GRIN2A: variants seen among roughly 807,000 people sequenced by gnomAD.
The protein encoded by GRIN2A is glutamate ionotropic receptor NMDA type subunit 2A.
In GRIN2A, 22 loss-of-function variants were observed where a neutral mutation model predicts 113.4. The ratio of observed to expected loss-of-function variants is 0.19; its 90% CI spans 0.14 to 0.28. GRIN2A has a LOEUF of 0.28. Among genes scored for constraint, GRIN2A ranks in the 10% least tolerant of loss-of-function variants. The pLI, the probability that GRIN2A is intolerant of heterozygous loss-of-function variation, is 1.00. For missense variants in GRIN2A, 1,502 were observed against 1,887.0 expected (o/e 0.80, Z 3.78); for synonymous variants, 827 against 738.4 (o/e 1.12, Z -1.94).
chr16:9,967,399 G>A (rs1343236814), intron 2 of GRIN2A, among the ~76,000 whole-genome samples: 1 of 152,084 alleles, frequency 6.6e-6, no homozygotes, highest in Non-Finnish European at 1.5e-5. Context: ...CTATGACGAT[G>A]CAAAGGTATA....
chr16:10,160,744 G>T (rs8055278), intron 2 of GRIN2A, among the ~76,000 whole-genome samples: 7,777 of 152,214 alleles, frequency 0.051, 570 homozygotes, highest in African/African-American at 0.16. Flanking sequence ...AATATATTGT[G>T]GACAAATGCT....
At chr16:9,784,066 C>G (rs991034341) in intron 11 of GRIN2A, among the ~76,000 whole-genome samples, 1 of 152,068 alleles carries the variant, frequency 6.6e-6, no homozygotes, top group African/African-American at 2.4e-5. Flanking sequence ...CAACAAACCC[C>G]CATGACACAA....
intron 2 of GRIN2A, among the ~76,000 whole-genome samples, chr16:10,128,120 C>A (rs1339673479): frequency 6.6e-6 from 1 of 152,180 alleles, no homozygotes; most frequent in Non-Finnish European, 1.5e-5. Context: ...TCCATTGTTG[C>A]TGAGAAGGTG....
At chr16:9,868,051 A>G (rs572086288) in intron 4 of GRIN2A, among the ~76,000 whole-genome samples, 1 of 152,166 alleles carries the variant, frequency 6.6e-6, no homozygotes, top group African/African-American at 2.4e-5. Context: ...CCATTAATTC[A>G]TCTCTCTTCT....
chr16:10,047,742 C>A (rs150354382), intron 2 of GRIN2A, among the ~76,000 whole-genome samples: 1 of 152,290 alleles, frequency 6.6e-6, no homozygotes, highest in Non-Finnish European at 1.5e-5. Flanking sequence ...TTAATATATC[C>A]TTTTCTGCCC....
intron 2 of GRIN2A, among the ~76,000 whole-genome samples, chr16:10,039,711 G>A (rs560226855): frequency 4.0e-4 from 60 of 150,100 alleles, no homozygotes; most frequent in African/African-American, 1.4e-3. Flanking sequence ...ACCAGGTGCT[G>A]GGCAGAAGCC....
chr16:9,778,924 T>C (rs1164386294), intron 11 of GRIN2A, among the ~76,000 whole-genome samples: 3 of 152,156 alleles, frequency 2.0e-5, no homozygotes, highest in Non-Finnish European at 4.4e-5. Flanking sequence ...GCAAATTCAA[T>C]ACACCACCAT....
At chr16:9,894,173 G>A (rs1452220188) in intron 3 of GRIN2A, among the ~76,000 whole-genome samples, 1 of 152,156 alleles carries the variant, frequency 6.6e-6, no homozygotes, top group East Asian at 1.9e-4. Context: ...AGTAACACAC[G>A]CTAGAGGAAG....
In GRIN2A at chr16:9,785,470, A is replaced by G. The variant is rs929131751; in HGVS notation, c.2356+12807T>C. On this transcript the variant is annotated intron_variant, in intron 11 of 12. Coordinates refer to ENST00000330684, the MANE Select transcript of GRIN2A (RefSeq NM_001134407.3). ...GGGGGGAGGGGGGAGGGATAGCATT[A>G]GGAGATATACCTAATGTTAAATGAC... 6.0e-5 allele frequency among the ~76,000 whole-genome samples: 9 copies of G among 151,064 alleles called. No individual in the cohort carries two copies. The South Asian group carries it at 8.5e-4, about 14-fold the overall frequency.
chr16:9,810,296 C>G (rs369067677), intron 10 of GRIN2A, among the ~76,000 whole-genome samples: 9 of 152,176 alleles, frequency 5.9e-5, no homozygotes, highest in African/African-American at 1.9e-4. Flanking sequence ...GCCTCTTCCC[C>G]TGGTCCCCAA....
At chr16:9,860,181 C>T (rs187545852) in intron 4 of GRIN2A, among the ~76,000 whole-genome samples, 1 of 152,080 alleles carries the variant, frequency 6.6e-6, no homozygotes, top group Non-Finnish European at 1.5e-5. Context: ...ATGAAACAGG[C>T]ATGGTGGCTC....
At chr16:10,045,436 C>T (rs548302034) in intron 2 of GRIN2A, among the ~76,000 whole-genome samples, 5 of 152,038 alleles carry the variant, frequency 3.3e-5, no homozygotes, top group South Asian at 2.1e-4. Flanking sequence ...CACTGGCTCC[C>T]GAATGTTCTG....
intron 2 of GRIN2A, among the ~76,000 whole-genome samples, chr16:10,058,643 T>C (rs1170882795): frequency 6.6e-6 from 1 of 152,254 alleles, no homozygotes; most frequent in Non-Finnish European, 1.5e-5. Context: ...ATAAGCAATT[T>C]TTCCCCATCC....
intron 3 of GRIN2A, among the ~76,000 whole-genome samples, chr16:9,920,335 T>C (rs2044335409): frequency 6.6e-6 from 1 of 152,198 alleles, no homozygotes; most frequent in African/African-American, 2.4e-5. Context: ...TCTGTGTGTT[T>C]TGTTTTGTTT....
At position 9,880,369 on chromosome 16, in the gene GRIN2A, T is replaced by A. The variant is rs895099093; in HGVS notation, c.1122+10617A>T. Among the ~76,000 whole-genome samples, 3 of 151,826 alleles carry A rather than the reference T, an allele frequency of 2.0e-5. No homozygotes were observed. In the South Asian group the frequency reaches 6.2e-4, roughly 31 times the overall value. ...AACTATTAGGCTTGTGTGAAACTAA[T>A]TGCAGTTTTCGCTGTTTTTTTTAAA... On this transcript the variant is annotated intron_variant, in intron 4 of 12. Transcript: ENST00000330684.
At chr16:9,789,593 CACAT>C in intron 11 of GRIN2A, among the ~76,000 whole-genome samples, 2 of 149,700 alleles carry the variant, frequency 1.3e-5, no homozygotes, top group African/African-American at 2.5e-5. Flanking sequence ...CACACACAAA[CACAT>C]AAATAAATTA....
chr16:10,157,886 TTTTG>T (rs1040107415), intron 2 of GRIN2A, among the ~76,000 whole-genome samples: 26 of 152,278 alleles, frequency 1.7e-4, no homozygotes, highest in Admixed American at 1.2e-3. Flanking sequence ...AGTGGCAAGA[TTTTG>T]TTTGTTTATT....
intron 2 of GRIN2A, among the ~76,000 whole-genome samples, chr16:9,944,965 G>A (rs2044982903): frequency 6.6e-6 from 1 of 152,094 alleles, no homozygotes; most frequent in African/African-American, 2.4e-5. Context: ...CAAAGTGAAG[G>A]ACCCTGATTC....
intron 2 of GRIN2A, among the ~76,000 whole-genome samples, chr16:10,139,614 C>T (rs1028158341): frequency 1.3e-5 from 2 of 152,020 alleles, no homozygotes; most frequent in African/African-American, 2.4e-5. Context: ...ACTTTCTTTA[C>T]GATAAGAATC....
Sources: gnomAD v4.1 joint callset for allele counts (sites outside exome capture counted in the v4.1 genomes callset) on GRCh38, gnomAD v4.1.1 for gene constraint, MANE v1.5 for transcripts, NCBI Gene and HGNC (gene_info 2026-07-23, HGNC 2026-07-21) for gene names.